The following EVI5 variants were observed in gnomAD, a reference collection of about 807,000 sequenced individuals.
EVI5 encodes ecotropic viral integration site 5.
EVI5 carries 73 observed loss-of-function variants against 112.0 expected under a neutral mutation model. The observed-to-expected ratio is 0.65, with a 90% CI of 0.54 to 0.79. The LOEUF (loss-of-function observed/expected upper bound fraction) is 0.79, where lower values mean the gene tolerates loss of function less well. EVI5 is among the 30% of genes least tolerant of loss of function. The pLI, the probability that EVI5 is intolerant of heterozygous loss-of-function variation, is 0.00. For synonymous variants in EVI5, 305 were observed against 319.9 expected (o/e 0.95, Z 0.50); for missense variants, 900 against 968.8 (o/e 0.93, Z 0.94).
intron 19 of EVI5, among the ~76,000 whole-genome samples, chr1:92,530,057 T>C (rs562072267): frequency 1.7e-4 from 26 of 152,348 alleles, no homozygotes; most frequent in Admixed American, 1.6e-3. Flanking sequence ...GGTGTGGATG[T>C]ATTCTCTCTC....
At chr1:92,652,357 T>C (rs1413886955) in intron 13 of EVI5, among the ~76,000 whole-genome samples, 1 of 152,318 alleles carries the variant, frequency 6.6e-6, no homozygotes, top group Non-Finnish European at 1.5e-5. Context: ...TGGGAAAAGA[T>C]TATTGTTACT....
At chr1:92,697,713 A>G (rs867990380) in intron 6 of EVI5, 147 bp downstream of exon 6, 2 of 673,766 alleles carry the variant, frequency 3.0e-6, no homozygotes, top group Middle Eastern at 4.1e-4. Context: ...TTGTACATTA[A>G]CCAACCAAAA....
chr1:92,574,779 A>G (rs377478734), intron 18 of EVI5, among the ~76,000 whole-genome samples: 12 of 152,260 alleles, frequency 7.9e-5, no homozygotes, highest in Middle Eastern at 3.4e-3. Flanking sequence ...CATACAATAA[A>G]CTGTTTATAA....
At chr1:92,734,793 T>A (rs1677067703) in intron 2 of EVI5, among the ~76,000 whole-genome samples, 2 of 152,068 alleles carry the variant, frequency 1.3e-5, no homozygotes, top group South Asian at 4.1e-4. Flanking sequence ...CCCAAACATA[T>A]AAAGAACTCT....
intron 19 of EVI5, among the ~76,000 whole-genome samples, chr1:92,521,493 C>T (rs1660921078): frequency 6.6e-6 from 1 of 152,046 alleles, no homozygotes; most frequent in South Asian, 2.1e-4. Flanking sequence ...GAGTTTGAGA[C>T]CAGCCTGGCC....
rs200747400 is a variant in EVI5 at position 92,697,972 on chromosome 1, T to G, written c.653A>C (p.Glu218Ala). Residue 218 changes from glutamate to alanine, a missense_variant, in exon 6 of 20, where the codon GAA becomes GCA. Glu to Ala is a moderately radical substitution (Grantham distance 107). Transcript: ENST00000684568. ...TAATTTAACAAATACACAGAAAGCTTCTTCTTCTGGCATCTACATTGGAAG... is the reference window on the plus strand; with the variant it reads ...TAATTTAACAAATACACAGAAAGCTGCTTCTTCTGGCATCTACATTGGAAG... ...GLLLMQMPEE[E>A]AFCVFVKLMQ... The G allele has an allele frequency of 2.0e-4, 315 of 1,611,170 alleles. No individual in the cohort carries two copies. The highest frequency in any genetic ancestry group is 1.2e-3 in the South Asian group (106 of 90,338).
intron 1 of EVI5, among the ~76,000 whole-genome samples, chr1:92,745,010 A>T (rs975137334): frequency 2.6e-5 from 4 of 151,892 alleles, no homozygotes; most frequent in Non-Finnish European, 1.5e-5. Flanking sequence ...GGCTTGTTGC[A>T]GTCTCAACCT....
intron 19 of EVI5, among the ~76,000 whole-genome samples, chr1:92,521,417 G>A (rs1338217615): frequency 6.6e-6 from 1 of 152,224 alleles, no homozygotes; most frequent in Non-Finnish European, 1.5e-5. Context: ...ACAGCTGGGT[G>A]TTGTGGCTCA....
intron 19 of EVI5, among the ~76,000 whole-genome samples, chr1:92,518,680 C>T (rs548712607): frequency 4.7e-5 from 7 of 148,684 alleles, no homozygotes; most frequent in African/African-American, 1.2e-4. Context: ...AGGTCTTAGA[C>T]GTAAATTTCT....
At chr1:92,538,458 T>C (rs1340033378) in intron 19 of EVI5, among the ~76,000 whole-genome samples, 3 of 152,232 alleles carry the variant, frequency 2.0e-5, no homozygotes, top group African/African-American at 7.2e-5. Flanking sequence ...CTTTTCTATT[T>C]GGATTGGATT....
intron 16 of EVI5, among the ~76,000 whole-genome samples, chr1:92,619,736 G>A (rs1654091659): frequency 6.6e-6 from 1 of 150,978 alleles, no homozygotes; most frequent in Admixed American, 6.6e-5. Flanking sequence ...GGGCAACACA[G>A]TGAGACCTTT....
intron 18 of EVI5, among the ~76,000 whole-genome samples, chr1:92,601,822 C>T (rs935972805): frequency 7.2e-5 from 11 of 152,076 alleles, no homozygotes; most frequent in African/African-American, 1.7e-4. Flanking sequence ...CCAGGTTCTT[C>T]GTTTTAATAA....
intron 11 of EVI5, among the ~76,000 whole-genome samples, chr1:92,665,498 T>A (rs949921628): frequency 2.0e-5 from 3 of 152,100 alleles, no homozygotes; most frequent in African/African-American, 7.2e-5. Context: ...TCAACATGAG[T>A]GAATTTTTAT....
intron 19 of EVI5, among the ~76,000 whole-genome samples, chr1:92,553,155 G>C (rs1466613621): frequency 6.6e-6 from 1 of 151,924 alleles, no homozygotes; most frequent in Non-Finnish European, 1.5e-5. Context: ...TTTTGAGACA[G>C]GGTTTCGCTC....
At chr1:92,765,490 T>C (rs1310512554) in intron 1 of EVI5, among the ~76,000 whole-genome samples, 8 of 151,104 alleles carry the variant, frequency 5.3e-5, no homozygotes, top group Admixed American at 5.3e-4. Flanking sequence ...CATGACCAAC[T>C]TTACACAGTA....
chr1:92,625,762 T>C (rs749033049), intron 15 of EVI5, 32 bp downstream of exon 15: 82 of 1,601,850 alleles, frequency 5.1e-5, no homozygotes, highest in South Asian at 1.9e-4. Context: ...TTTACTCTCT[T>C]TTAAAAAAGC....
chr1:92,711,346 CATA>C (rs1412401641), intron 2 of EVI5, among the ~76,000 whole-genome samples: 1 of 152,150 alleles, frequency 6.6e-6, no homozygotes, highest in East Asian at 1.9e-4. Flanking sequence ...TTGTACTCAG[CATA>C]ATGTTTTCCT....
intron 9 of EVI5, among the ~76,000 whole-genome samples, chr1:92,693,552 C>CCCGGGAAGCGGAGCTTGCAGTGAGCCGAG: frequency 6.6e-6 from 1 of 152,090 alleles, no homozygotes; most frequent in South Asian, 2.1e-4. Flanking sequence ...ACAGCATCCT[C>CCCGGGAAGCGGAGCTTGCAGTGAGCCGAG]ATATATGTAT....
chr1:92,577,857 G>A (rs143039470), intron 18 of EVI5, among the ~76,000 whole-genome samples: 62 of 152,144 alleles, frequency 4.1e-4, no homozygotes, highest in Non-Finnish European at 7.2e-4. Context: ...CATATTCCAC[G>A]GCATGGGATT....
Sources: allele counts gnomAD v4.1 joint callset (sites outside exome capture counted in the v4.1 genomes callset), GRCh38; gene constraint gnomAD v4.1.1; transcripts MANE v1.5; gene names NCBI Gene and HGNC (gene_info 2026-07-23, HGNC 2026-07-21).